DYM: variants seen among roughly 807,000 people sequenced by gnomAD.
DYM encodes dyggve-Melchior-Clausen syndrome protein.
In DYM, 78 loss-of-function variants were observed where a neutral mutation model predicts 93.1. The ratio of observed to expected loss-of-function variants is 0.84; its 90% CI spans 0.70 to 1.01. The LOEUF (loss-of-function observed/expected upper bound fraction) is 1.01. DYM is among the 50% of genes least tolerant of loss of function. The pLI, the probability that DYM is intolerant of heterozygous loss-of-function variation, is 0.00. For synonymous variants in DYM, 321 were observed against 319.7 expected (o/e 1.00, Z -0.04); for missense variants, 789 against 845.0 (o/e 0.93, Z 0.82).
chr18:49,187,930 TC>T (rs368048203), intron 14 of DYM, among the ~76,000 whole-genome samples: 1,553 of 152,244 alleles, frequency 0.01, 29 homozygotes, highest in African/African-American at 0.032. Flanking sequence ...ATATCAAACT[TC>T]CACACGTTAT....
intron 3 of DYM, among the ~76,000 whole-genome samples, chr18:49,384,712 A>T (rs976229677): frequency 7.3e-5 from 11 of 149,676 alleles, no homozygotes; most frequent in African/African-American, 2.7e-4. Flanking sequence ...AAAATGCAAT[A>T]ACAGCTAAAA....
Position 49,329,302 on chromosome 18 carries a change from G to A in DYM, c.763+2562C>T, listed in dbSNP as rs555289989. Among the ~76,000 whole-genome samples the A allele has an allele frequency of 1.0e-4, 12 of 118,482 alleles. No homozygotes were observed. In the South Asian group the frequency reaches 3.9e-3, roughly 39 times the overall value. The allele number at this position is 118,482 out of a possible 152,430, so 77.7% of individuals were successfully genotyped here. On this transcript the variant is annotated intron_variant, in intron 8 of 17. Transcript: ENST00000675505. ...CCTGTTGTGGGGTGGGGGGGAGGGGGGAGGGATAGCATTAGGAGAAATACC... is the reference window on the plus strand; with the variant it reads ...CCTGTTGTGGGGTGGGGGGGAGGGGAGAGGGATAGCATTAGGAGAAATACC...
chr18:49,053,499 G>A (rs1332876237), intron 17 of DYM, among the ~76,000 whole-genome samples: 1 of 152,154 alleles, frequency 6.6e-6, no homozygotes, highest in Non-Finnish European at 1.5e-5. Flanking sequence ...TTAAGCCTCT[G>A]AATAGACAAG....
intron 17 of DYM, among the ~76,000 whole-genome samples, chr18:49,067,718 C>A (rs1043992442): frequency 1.3e-5 from 2 of 152,088 alleles, no homozygotes; most frequent in Non-Finnish European, 2.9e-5. Flanking sequence ...AGTTAAAGAT[C>A]AACTTGCAGT....
At chr18:49,344,474 A>G (rs1472507230) in intron 6 of DYM, among the ~76,000 whole-genome samples, 1 of 152,190 alleles carries the variant, frequency 6.6e-6, no homozygotes. Flanking sequence ...TAATACGAAT[A>G]AAAATACAAG....
At chr18:49,221,063 AAAAC>A (rs1218087907) in intron 13 of DYM, among the ~76,000 whole-genome samples, 7 of 152,210 alleles carry the variant, frequency 4.6e-5, no homozygotes, top group East Asian at 3.8e-4. Flanking sequence ...TTACAAGAAA[AAAAC>A]AAACAACCCC....
chr18:49,183,237 T>C (rs1305204282), intron 14 of DYM, among the ~76,000 whole-genome samples: 2 of 152,234 alleles, frequency 1.3e-5, no homozygotes, highest in Non-Finnish European at 2.9e-5. Context: ...TAGTCTCTTA[T>C]TGTAGATTGT....
chr18:49,458,869 A>G (rs1010055312), intron 1 of DYM, among the ~76,000 whole-genome samples: 2 of 152,202 alleles, frequency 1.3e-5, no homozygotes, highest in African/African-American at 4.8e-5. Context: ...AAGCAATTCA[A>G]TCTTCTACAG....
chr18:49,317,618 T>TC (rs2062079885), intron 8 of DYM, among the ~76,000 whole-genome samples: 1 of 12,810 alleles, frequency 7.8e-5, no homozygotes, highest in Non-Finnish European at 1.5e-4. Context: ...CCTCCCTCCC[T>TC]CCCTCCCTCC....
At chr18:49,427,392 C>T (rs1248599518) in intron 2 of DYM, among the ~76,000 whole-genome samples, 1 of 152,128 alleles carries the variant, frequency 6.6e-6, no homozygotes, top group East Asian at 1.9e-4. Flanking sequence ...CTATATTCTA[C>T]ATTAGAAGAC....
intron 3 of DYM, among the ~76,000 whole-genome samples, chr18:49,384,380 C>CTT (rs2068368728): frequency 6.8e-6 from 1 of 146,088 alleles, no homozygotes; most frequent in Non-Finnish European, 1.5e-5. Flanking sequence ...AATCCCAGCA[C>CTT]TTTGGGAGGC....
At chr18:49,201,102 C>T (rs2091951489) in intron 14 of DYM, among the ~76,000 whole-genome samples, 1 of 152,154 alleles carries the variant, frequency 6.6e-6, no homozygotes, top group Non-Finnish European at 1.5e-5. Flanking sequence ...ACTGATTACA[C>T]AAAGCTTTTA....
intron 15 of DYM, among the ~76,000 whole-genome samples, chr18:49,137,168 G>A (rs889398436): frequency 1.6e-4 from 24 of 152,134 alleles, no homozygotes; most frequent in Non-Finnish European, 3.4e-4. Flanking sequence ...TATGACCAAC[G>A]TGACAAGTAG....
chr18:49,188,567 T>C (rs539473420), intron 14 of DYM, among the ~76,000 whole-genome samples: 4 of 152,306 alleles, frequency 2.6e-5, no homozygotes, highest in Non-Finnish European at 5.9e-5. Flanking sequence ...GAAACCATCA[T>C]TCTCAGCAAA....
chr18:49,136,043 C>G (rs1194697222), intron 15 of DYM, among the ~76,000 whole-genome samples: 2 of 152,238 alleles, frequency 1.3e-5, no homozygotes, highest in African/African-American at 4.8e-5. Context: ...TCAAGGTCAA[C>G]AGCAGTGAAG....
At chr18:49,220,768 A>G (rs2093317905) in intron 13 of DYM, among the ~76,000 whole-genome samples, 1 of 152,246 alleles carries the variant, frequency 6.6e-6, no homozygotes, top group South Asian at 2.1e-4. Flanking sequence ...GATGGATTAA[A>G]GACTTAAACG....
intron 2 of DYM, among the ~76,000 whole-genome samples, chr18:49,416,298 C>T (rs1600086982): frequency 1.3e-5 from 2 of 152,182 alleles, no homozygotes; most frequent in African/African-American, 4.8e-5. Flanking sequence ...TGAGATTAAG[C>T]AGCTTTCCTG....
rs560714889 is a variant in DYM, at chr18:49,112,211, G to A, written c.1911+6533C>T. On this transcript the variant is annotated intron_variant, in intron 16 of 17. Transcript: ENST00000675505. ...AAGAAAGGTCTGGCAGGGGAATGAT[G>A]CTACGCATTTTTCTATTGGTACATC... is the stretch of plus-strand genomic sequence containing the variant. Among the ~76,000 whole-genome samples the A allele has an allele frequency of 2.0e-5, 3 of 148,758 alleles. No individual in the cohort carries two copies. The South Asian group carries it at 6.5e-4, about 32-fold the overall frequency.
At chr18:49,254,058 C>T (rs1182360417) in intron 13 of DYM, among the ~76,000 whole-genome samples, 1 of 151,882 alleles carries the variant, frequency 6.6e-6, no homozygotes, top group Non-Finnish European at 1.5e-5. Flanking sequence ...TCTTGTTTTG[C>T]TTTGGTTTGT....
Sources: gnomAD v4.1 joint callset for allele counts (sites outside exome capture counted in the v4.1 genomes callset) on GRCh38, gnomAD v4.1.1 for gene constraint, MANE v1.5 for transcripts, NCBI Gene and HGNC (gene_info 2026-07-23, HGNC 2026-07-21) for gene names.